Variants in ZNF407 observed in about 807,000 individuals in gnomAD.
ZNF407 encodes the protein zinc finger protein 407.
In ZNF407, 17 loss-of-function variants were observed where a neutral mutation model predicts 131.2. The ratio of observed to expected loss-of-function variants is 0.13; its 90% CI spans 0.09 to 0.19. The LOEUF is 0.19. Ranked by LOEUF, ZNF407 falls within the 10% of genes least tolerant of loss-of-function variation. The pLI, the probability that ZNF407 is intolerant of heterozygous loss-of-function variation, is 1.00. For synonymous variants in ZNF407, 1,156 were observed against 1,062.0 expected (o/e 1.09, Z -1.72); for missense variants, 2,681 against 2,830.6 (o/e 0.95, Z 1.20).
intron 8 of ZNF407, among the ~76,000 whole-genome samples, chr18:75,031,289 A>T (rs1973237172): frequency 6.6e-6 from 1 of 152,242 alleles, no homozygotes; most frequent in Non-Finnish European, 1.5e-5. Flanking sequence ...CAATGAGGTA[A>T]TAGAATCACT....
chr18:75,056,311 C>A (rs750880679), intron 8 of ZNF407, among the ~76,000 whole-genome samples: 22 of 152,118 alleles, frequency 1.4e-4, no homozygotes, highest in Non-Finnish European at 2.8e-4. Flanking sequence ...TAACGCTGAC[C>A]AGAATGTGTT....
chr18:74,826,111 T>C (rs1970406449), intron 4 of ZNF407, among the ~76,000 whole-genome samples: 1 of 152,238 alleles, frequency 6.6e-6, no homozygotes, highest in Non-Finnish European at 1.5e-5. Context: ...TACTTTACTT[T>C]TGTAGAACTT....
At chr18:74,949,738 G>GC (rs1972192638) in intron 8 of ZNF407, among the ~76,000 whole-genome samples, 1 of 152,098 alleles carries the variant, frequency 6.6e-6, no homozygotes, top group Admixed American at 6.5e-5. Flanking sequence ...CTGTGGATAA[G>GC]CAGTGGTATT....
chr18:74,752,474 C>T (rs1968829639), intron 3 of ZNF407, among the ~76,000 whole-genome samples: 1 of 152,202 alleles, frequency 6.6e-6, no homozygotes, highest in East Asian at 1.9e-4. Context: ...AATGGTAGTG[C>T]CTAGGTTTTC....
At chr18:74,833,994 G>A (rs1169687960) in intron 4 of ZNF407, among the ~76,000 whole-genome samples, 1 of 152,146 alleles carries the variant, frequency 6.6e-6, no homozygotes, top group African/African-American at 2.4e-5. Flanking sequence ...GAGTTTACAT[G>A]GATCAGAACT....
intron 1 of ZNF407, among the ~76,000 whole-genome samples, chr18:74,614,843 T>C (rs1983216512): frequency 6.6e-6 from 1 of 152,216 alleles, no homozygotes; most frequent in African/African-American, 2.4e-5. Flanking sequence ...TTGTAAAGGC[T>C]AAAAGCCTTC....
At chr18:74,709,328 T>A (rs1967702164) in intron 3 of ZNF407, among the ~76,000 whole-genome samples, 1 of 152,198 alleles carries the variant, frequency 6.6e-6, no homozygotes, top group African/African-American at 2.4e-5. Context: ...TTCTAGAACT[T>A]ATCTCTATTA....
intron 4 of ZNF407, among the ~76,000 whole-genome samples, chr18:74,831,371 T>C (rs1433592400): frequency 1.3e-5 from 2 of 152,226 alleles, no homozygotes; most frequent in Non-Finnish European, 2.9e-5. Context: ...AACTGTTTTC[T>C]TCTTGCAAAA....
chr18:75,030,305 A>G (rs1305909069), intron 8 of ZNF407, among the ~76,000 whole-genome samples: 2 of 152,204 alleles, frequency 1.3e-5, no homozygotes, highest in African/African-American at 2.4e-5. Flanking sequence ...GGTATTATAC[A>G]TTATTATTAT....
At chr18:74,693,846 C>T (rs912806328) in intron 3 of ZNF407, among the ~76,000 whole-genome samples, 1 of 152,050 alleles carries the variant, frequency 6.6e-6, no homozygotes, top group Non-Finnish European at 1.5e-5. Flanking sequence ...TAGCCCTTCT[C>T]TTCTGGAATT....
intron 3 of ZNF407, among the ~76,000 whole-genome samples, chr18:74,763,071 G>A (rs79966041): frequency 0.016 from 2,383 of 151,758 alleles, 72 homozygotes; most frequent in African/African-American, 0.053. Context: ...ATTTTTCTAC[G>A]TAAACTTCCC....
At chr18:75,052,129 C>T (rs528187633) in intron 8 of ZNF407, among the ~76,000 whole-genome samples, 1 of 152,184 alleles carries the variant, frequency 6.6e-6, no homozygotes, top group East Asian at 1.9e-4. Context: ...TGCATGTCCA[C>T]GAAGGCGTGT....
At chr18:74,652,655 G>A (rs533205315) in intron 3 of ZNF407, among the ~76,000 whole-genome samples, 49 of 152,044 alleles carry the variant, frequency 3.2e-4, no homozygotes, top group Admixed American at 3.2e-3. Context: ...TCAGGGGTGG[G>A]TGCTATATTT....
intron 7 of ZNF407, among the ~76,000 whole-genome samples, chr18:74,915,694 A>AGTGTGTGTGT (rs148897853): frequency 3.4e-4 from 2 of 5,824 alleles, no homozygotes; most frequent in African/African-American, 1.2e-3. Flanking sequence ...TCGAATCGGG[A>AGTGTGTGTGT]GTGTGTGTGT....
intron 3 of ZNF407, among the ~76,000 whole-genome samples, chr18:74,699,588 C>A (rs1967444414): frequency 6.6e-6 from 1 of 152,184 alleles, no homozygotes. Flanking sequence ...GGGAGGTACA[C>A]AAGGATGAGG....
intron 8 of ZNF407, among the ~76,000 whole-genome samples, chr18:74,966,623 C>T (rs1376432380): frequency 6.6e-6 from 1 of 152,018 alleles, no homozygotes; most frequent in Non-Finnish European, 1.5e-5. Context: ...GTTATTTTTG[C>T]TTAGGATAGT....
chr18:74,833,232 AGG>A (rs1158739147), intron 4 of ZNF407, among the ~76,000 whole-genome samples: 1 of 152,238 alleles, frequency 6.6e-6, no homozygotes, highest in Non-Finnish European at 1.5e-5. Context: ...CAGGGTCAGC[AGG>A]GATGAGCTTG....
intron 8 of ZNF407, among the ~76,000 whole-genome samples, chr18:74,955,607 A>G (rs1468097696): frequency 6.6e-6 from 1 of 152,212 alleles, no homozygotes; most frequent in African/African-American, 2.4e-5. Context: ...GTACTGGGTA[A>G]GGAGAAATAA....
chr18:74,831,719 A>G (rs1970485994), intron 4 of ZNF407, among the ~76,000 whole-genome samples: 1 of 151,968 alleles, frequency 6.6e-6, no homozygotes, highest in Non-Finnish European at 1.5e-5. Flanking sequence ...CTGCCTCCCC[A>G]TCCGTCGATG....
Sources: gnomAD v4.1 joint callset for allele counts (sites outside exome capture counted in the v4.1 genomes callset) on GRCh38, gnomAD v4.1.1 for gene constraint, MANE v1.5 for transcripts, NCBI Gene and HGNC (gene_info 2026-07-23, HGNC 2026-07-21) for gene names.